NPSR1: variants seen among roughly 807,000 people sequenced by gnomAD.
NPSR1 encodes neuropeptide S receptor.
A neutral mutation model predicts 46.9 loss-of-function variants in NPSR1; 48 were observed. The observed-to-expected ratio is 1.02, with a 90% CI of 0.81 to 1.30. The LOEUF (loss-of-function observed/expected upper bound fraction) is 1.30, where lower values mean the gene tolerates loss of function less well. NPSR1 is among the 50% of genes most tolerant of loss of function. The probability of loss-of-function intolerance (pLI) is 0.00; values close to 1 mark genes in which losing one functional copy is unlikely to be tolerated. For missense variants in NPSR1, 450 were observed against 449.5 expected, an observed-to-expected ratio of 1.00 and a Z score of -0.01; for synonymous variants, 176 against 168.1, an observed-to-expected ratio of 1.05 and a Z score of -0.36.
intron 2 of NPSR1, among the ~76,000 whole-genome samples, chr7:34,772,715 G>A (rs1259389832): frequency 1.3e-5 from 2 of 152,122 alleles, no homozygotes; most frequent in African/African-American, 2.4e-5. Context: ...GAACAACCCT[G>A]TGTTGGGGGC....
At chr7:34,743,443 T>C (rs1479560945) in intron 2 of NPSR1, among the ~76,000 whole-genome samples, 1 of 147,276 alleles carries the variant, frequency 6.8e-6, no homozygotes, top group East Asian at 2.0e-4. Context: ...TCTCTCTGTC[T>C]TCTTTTTTTT....
chr7:34,755,404 C>A (rs1318944522), intron 2 of NPSR1, among the ~76,000 whole-genome samples: 5 of 152,104 alleles, frequency 3.3e-5, no homozygotes, highest in Non-Finnish European at 7.4e-5. Context: ...ATAAATAGAA[C>A]CTTACAGTAT....
At chr7:34,850,391 T>C (rs1470457059), downstream of NPSR1, among the ~76,000 whole-genome samples, 2 of 149,512 alleles carry the variant, frequency 1.3e-5, no homozygotes, top group African/African-American at 2.5e-5. Context: ...ACACATGTCC[T>C]TGAGGCCTTT....
At chr7:34,792,930 A>G (rs1218396216) in intron 3 of NPSR1, among the ~76,000 whole-genome samples, 2 of 150,750 alleles carry the variant, frequency 1.3e-5, no homozygotes, top group African/African-American at 4.9e-5. Flanking sequence ...GCTCATGCTT[A>G]TAATACCAGC....
At chr7:34,850,327 G>A (rs1432654659), downstream of NPSR1, among the ~76,000 whole-genome samples, 3 of 150,324 alleles carry the variant, frequency 2.0e-5, no homozygotes, top group African/African-American at 7.3e-5. Flanking sequence ...AACAAGTTGT[G>A]TTAAAAAGCC....
At chr7:34,722,993 A>C (rs1292487047) in intron 2 of NPSR1, among the ~76,000 whole-genome samples, 1 of 152,224 alleles carries the variant, frequency 6.6e-6, no homozygotes, top group Non-Finnish European at 1.5e-5. Flanking sequence ...GGCCTTTCCC[A>C]GCCAAATTGC....
chr7:34,720,808 G>T (rs1430912770), intron 2 of NPSR1, among the ~76,000 whole-genome samples: 1 of 152,066 alleles, frequency 6.6e-6, no homozygotes, highest in East Asian at 1.9e-4. Flanking sequence ...CAGAAAGCAG[G>T]GGCAAGAGTA....
intron 2 of NPSR1, chr7:34,751,553 C>T (rs939029064): frequency 3.8e-6 from 6 of 1,590,124 alleles, no homozygotes; most frequent in African/African-American, 1.3e-5. Context: ...GTATTCTTCT[C>T]CTTGGGATCT....
At chr7:34,812,371 A>T (rs556839466) in intron 4 of NPSR1, among the ~76,000 whole-genome samples, 1 of 152,304 alleles carries the variant, frequency 6.6e-6, no homozygotes, top group South Asian at 2.1e-4. Context: ...ATGGTTAGGG[A>T]TCCCTAAGAA....
chr7:34,767,865 A>G (rs1480250644), intron 2 of NPSR1, among the ~76,000 whole-genome samples: 1 of 152,200 alleles, frequency 6.6e-6, no homozygotes, highest in Non-Finnish European at 1.5e-5. Flanking sequence ...AGTGGAAAAT[A>G]TATGAACATA....
At chr7:34,790,354 TACAGAAGA>T in intron 3 of NPSR1, among the ~76,000 whole-genome samples, 1 of 151,942 alleles carries the variant, frequency 6.6e-6, no homozygotes, top group Non-Finnish European at 1.5e-5. Flanking sequence ...ACAAATTAGG[TACAGAAGA>T]GAAGTGCTTC....
chr7:34,702,895 C>T (rs1028882579), intron 2 of NPSR1, among the ~76,000 whole-genome samples: 8 of 151,822 alleles, frequency 5.3e-5, no homozygotes, highest in African/African-American at 1.7e-4. Flanking sequence ...GACAAATGCT[C>T]TAGAACCCGC....
intron 3 of NPSR1, chr7:34,779,788 C>G (rs549026938): frequency 1.0e-4 from 27 of 265,014 alleles, no homozygotes; most frequent in Non-Finnish European, 1.7e-4. Flanking sequence ...TGCTGATACA[C>G]AAATTATGAC....
intron 2 of NPSR1, among the ~76,000 whole-genome samples, chr7:34,688,028 C>G (rs1167689347): frequency 2.0e-5 from 3 of 152,176 alleles, no homozygotes; most frequent in Non-Finnish European, 1.5e-5. Flanking sequence ...CCAAAGCATA[C>G]TGGCTTTGAT....
At chr7:34,684,420 T>A in intron 1 of NPSR1, 132 bp from the exon 2 acceptor site, 4 of 796,034 alleles carry the variant, frequency 5.0e-6, no homozygotes, top group Non-Finnish European at 8.2e-6. Flanking sequence ...TTGTCATTGT[T>A]TTCTTGAGAG....
intron 4 of NPSR1, among the ~76,000 whole-genome samples, chr7:34,819,911 G>A (rs889161915): frequency 1.3e-5 from 2 of 152,152 alleles, no homozygotes; most frequent in Admixed American, 1.3e-4. Flanking sequence ...TCAGACACCG[G>A]GGCCTGTCAG....
chr7:34,827,650 G>GGGGT, intron 5 of NPSR1, 48 bp downstream of exon 5: 1 of 612,072 alleles, frequency 1.6e-6, no homozygotes, highest in Non-Finnish European at 2.9e-6. Context: ...GGGCGGGGGG[G>GGGGT]GCTTTCCTGT....
chr7:34,849,547 T>G lies in NPSR1; in HGVS notation c.1026-18T>G. ...GGTCAAATTATTTCCCTCCCTGCTTTATTTTGACTTTCTCCAGGGAGCAAA... is the reference window on the plus strand; with the variant it reads ...GGTCAAATTATTTCCCTCCCTGCTTGATTTTGACTTTCTCCAGGGAGCAAA... On this transcript the variant is annotated intron_variant, in intron 8 of 8. Coordinates refer to ENST00000360581, the MANE Select transcript of NPSR1 (RefSeq NM_207172.2). The G allele has an allele frequency of 6.2e-7, 1 of 1,613,862 alleles. No homozygotes were observed. Among genetic ancestry groups the G allele is most frequent in the Non-Finnish European group, 8.5e-7 (1 of 1,179,716 alleles).
At chr7:34,713,959 A>G (rs558500073) in intron 2 of NPSR1, among the ~76,000 whole-genome samples, 1 of 152,374 alleles carries the variant, frequency 6.6e-6, no homozygotes, top group South Asian at 2.1e-4. Flanking sequence ...CCCAAATATT[A>G]GTGGCTTAAA....
Sources: gnomAD v4.1 joint callset for allele counts (sites outside exome capture counted in the v4.1 genomes callset) on GRCh38, gnomAD v4.1.1 for gene constraint, MANE v1.5 for transcripts, NCBI Gene and HGNC (gene_info 2026-07-23, HGNC 2026-07-21) for gene names.